Variants in ANP32E observed in about 807,000 individuals in gnomAD.
ANP32E encodes the protein acidic nuclear phosphoprotein 32 family member E.
ANP32E carries 14 observed loss-of-function variants against 35.3 expected under a neutral mutation model. The observed-to-expected ratio is 0.40, with a 90% CI of 0.26 to 0.62. The LOEUF (loss-of-function observed/expected upper bound fraction) is 0.62. Ranked by LOEUF, ANP32E falls within the 20% of genes least tolerant of loss-of-function variation. The pLI is 0.45. For missense variants in ANP32E, 198 were observed against 304.4 expected (o/e 0.65, Z 2.60); for synonymous variants, 89 against 110.4 (o/e 0.81, Z 1.22).
Position 150,235,728 on chromosome 1 carries a change from C to T in ANP32E, c.54+5G>A. ...GGGGAAGCGGTGGGGGCTGAGTCAT[C>T]TCACCTCCTCCGGGGATCTGTTCCT... On this transcript the variant is annotated splice_donor_5th_base_variant and intron_variant, in intron 1 of 6. Transcript: ENST00000583931. This position sits in a 1 kb window ranked among gnomAD's most constrained non-coding sequence, Gnocchi z 4.2. 6.2e-7 allele frequency: 1 copy of T among 1,613,500 alleles called. No homozygotes were observed. The highest frequency in any genetic ancestry group is 8.5e-7 in the Non-Finnish European group (1 of 1,179,778).
At chr1:150,234,470 G>T in intron 1 of ANP32E, 2 of 482,114 alleles carry the variant, frequency 4.1e-6, no homozygotes, top group Non-Finnish European at 5.4e-6. Context: ...CACGCCGGAC[G>T]CGAAAGCCCA....
In ANP32E at chr1:150,236,020, GCACACACACGCACGCACGCGCGCA is replaced by G. The variant is rs1649753807; in HGVS notation, c.-258_-235del. On this transcript the variant is annotated 5_prime_UTR_variant, in exon 1 of 7. Coordinates refer to ENST00000583931, the MANE Select transcript of ANP32E (RefSeq NM_030920.5). ...CCTCCTTGTCCACACACTAGCGCGC[GCACACACACGCACGCACGCGCGCA>G]CACACATACACACACACATACACAC... The G allele has an allele frequency of 1.8e-6, 1 of 545,506 alleles. No individual in the cohort carries two copies. The highest frequency in any genetic ancestry group is 3.3e-6 in the Non-Finnish European group (1 of 302,846). 33.8% of individuals were successfully genotyped at this position (545,506 alleles called of 1,614,324 possible).
At chr1:150,221,493 GAGGGAGGGAGGGAGGGAGGAAAGGA>G (rs1648371204) in intron 6 of ANP32E, among the ~76,000 whole-genome samples, 1 of 121,354 alleles carries the variant, frequency 8.2e-6, no homozygotes, top group Non-Finnish European at 1.7e-5. Flanking sequence ...GGAAGGAAGG[GAGGGAGGGAGGGAGGGAGGAAAGGA>G]AGGAGAGTGG....
rs1648570394 is a variant in ANP32E, at chr1:150,223,144, T to G, written c.736+42A>C. 3.4e-6 allele frequency: 5 copies of G among 1,471,978 alleles called. No homozygotes were observed. In the South Asian group the frequency reaches 6.4e-5, roughly 19 times the overall value. 91.2% of individuals were successfully genotyped at this position (1,471,978 alleles called of 1,614,324 possible). ...ATAAATAAAGTATAAAAAATGACTATGTCTTTAATTTTATAATTTGTTTAT... is the reference window on the plus strand; with the variant it reads ...ATAAATAAAGTATAAAAAATGACTAGGTCTTTAATTTTATAATTTGTTTAT... On this transcript the variant is annotated intron_variant, in intron 6 of 6. Transcript: ENST00000583931.
chr1:150,235,922 G>C lies in ANP32E; in HGVS notation c.-136C>G, dbSNP rs113198946. 3.5e-5 allele frequency: 23 copies of C among 653,730 alleles called. 1 individual carries two copies. The highest frequency in any genetic ancestry group is 2.4e-4 in the Middle Eastern group (1 of 4,094). 40.5% of individuals were successfully genotyped at this position (653,730 alleles called of 1,614,324 possible). On this transcript the variant is annotated 5_prime_UTR_variant, in exon 1 of 7. The change creates a new upstream start codon in the 5' untranslated region. Transcript: ENST00000583931. The surrounding 1 kb of genome is among the most constrained non-coding windows in gnomAD (Gnocchi z 4.2). ...ATATAAACGCCCACTACCACCACCA[G>C]ATAGGTGTGGGGGAGAAAGAAGAGA...
rs1166567451 is a variant in ANP32E at position 150,223,101 on chromosome 1, A to G, written c.736+85T>C. ...AATTGGCATTATAGGCTCATTCTTT[A>G]AAGTGTATGAAATACAAATAAATAA... On this transcript the variant is annotated intron_variant, in intron 6 of 6. Transcript: ENST00000583931. 29 of 1,398,826 alleles carry G rather than the reference A, an allele frequency of 2.1e-5. No homozygotes were observed. In the Admixed American group the frequency reaches 6.7e-4, roughly 32 times the overall value. The allele number at this position is 1,398,826 out of a possible 1,614,324, so 86.7% of individuals were successfully genotyped here.
chr1:150,221,075 A>G (rs1648312669), intron 6 of ANP32E, among the ~76,000 whole-genome samples: 1 of 132,692 alleles, frequency 7.5e-6, no homozygotes, highest in South Asian at 2.6e-4. Context: ...AGATTGCGCC[A>G]CTGCACTCCA....
At chr1:150,220,835 G>C (rs1457780741) in intron 6 of ANP32E, 74 bp from the exon 7 acceptor site, 6 of 1,391,486 alleles carry the variant, frequency 4.3e-6, no homozygotes, top group Non-Finnish European at 6.1e-6. Context: ...TTGAATCTTA[G>C]TGAAAAGTTA....
Position 150,220,621 on chromosome 1 carries a change from A to T in ANP32E, c.*70T>A. The T allele has an allele frequency of 4.3e-6, 6 of 1,382,892 alleles. No individual in the cohort carries two copies. The highest frequency in any genetic ancestry group is 1.2e-5 in the South Asian group (1 of 85,656). The allele number at this position is 1,382,892 out of a possible 1,614,324, so 85.7% of individuals were successfully genotyped here. A position where few individuals can be genotyped will look rare whatever the true frequency, so the allele number is the denominator to read the frequency against. On this transcript the variant is annotated 3_prime_UTR_variant, in exon 7 of 7. Coordinates refer to ENST00000583931, the MANE Select transcript of ANP32E (RefSeq NM_030920.5). The stretch of plus-strand genomic sequence containing the variant: ...TCTTCTGTAGGGATAGCTATCGTAC[A>T]TGAAGAAACAAAGATGTGATCACTC...
intron 3 of ANP32E, 92 bp from the exon 4 acceptor site, chr1:150,229,329 T>C: frequency 1.3e-6 from 1 of 758,178 alleles, no homozygotes; most frequent in Non-Finnish European, 2.0e-6. Context: ...AGACGGAGTC[T>C]AGCTCTGTTG....
intron 1 of ANP32E, chr1:150,234,656 C>T: frequency 7.1e-6 from 7 of 985,574 alleles, no homozygotes; most frequent in Non-Finnish European, 7.2e-6. Context: ...GCCCTGCTCT[C>T]GCGACCTGCC....
chr1:150,220,623 G>T lies in ANP32E; in HGVS notation c.*68C>A. ...TTCTGTAGGGATAGCTATCGTACAT[G>T]AAGAAACAAAGATGTGATCACTCTA... is the stretch of plus-strand genomic sequence containing the variant. On this transcript the variant is annotated 3_prime_UTR_variant, in exon 7 of 7. Transcript: ENST00000583931. 7.1e-7 allele frequency: 1 copy of T among 1,414,890 alleles called. No individual in the cohort carries two copies. Among genetic ancestry groups the T allele is most frequent in the Non-Finnish European group, 1.0e-6 (1 of 1,002,692 alleles). 87.6% of individuals were successfully genotyped at this position (1,414,890 alleles called of 1,614,324 possible).
In ANP32E at chr1:150,229,220, C is replaced by G; in HGVS notation, c.345G>C (p.Leu115Phe). 1 of 1,529,170 alleles carries G rather than the reference C, an allele frequency of 6.5e-7. No homozygotes were observed. Among genetic ancestry groups the G allele is most frequent in the Non-Finnish European group, 8.8e-7 (1 of 1,136,654 alleles). 94.7% of individuals were successfully genotyped at this position (1,529,170 alleles called of 1,614,324 possible). ...TVEALQNLKN[L>F]KSLDLFNCEI... ...CACAGTTAAACAGGTCAAGACTTTT[C>G]AAATTTTTAAGATTTTGCTGGAAAA... is the stretch of plus-strand genomic sequence containing the variant. The change falls in exon 4 of 7, where the codon TTG becomes TTC. Residue 115 changes from leucine (L) to phenylalanine (F), a missense_variant. Leu to Phe is a conservative substitution (Grantham distance 22). This residue lies in a region of ANP32E where 31 missense variants were observed against 62.6 expected (regional missense o/e 0.50). Transcript: ENST00000583931.
intron 5 of ANP32E, among the ~76,000 whole-genome samples, chr1:150,224,013 G>A (rs1209509047): frequency 6.6e-6 from 1 of 152,112 alleles, no homozygotes; most frequent in Non-Finnish European, 1.5e-5. Flanking sequence ...CCAAAATGGT[G>A]AGATTACAGG....
rs1648896626 is a variant in ANP32E at position 150,226,644 on chromosome 1, T to G, written c.645A>C (p.Glu215Asp). 2 of 1,613,598 alleles carry G rather than the reference T, an allele frequency of 1.2e-6. No homozygotes were observed. The highest frequency in any genetic ancestry group is 1.7e-6 in the Non-Finnish European group (2 of 1,179,784). ...CTTTCATTAAGTATGAGAGGCCCAC[T>G]TCCTCTTCTCCCTCTCCCAACTCTG... Reference protein sequence around the residue: ...AGSELGEGEEEVGLSYLMKEE... With the variant: ...AGSELGEGEEDVGLSYLMKEE... Residue 215 changes from glutamate to aspartate, a missense_variant, in exon 5 of 7, where the codon GAA (glutamate) becomes GAC (aspartate). Glu to Asp is a conservative substitution (Grantham distance 45, BLOSUM62 2). Transcript: ENST00000583931.
chr1:150,234,665 C>A, intron 1 of ANP32E: 1 of 985,610 alleles, frequency 1.0e-6, no homozygotes, highest in Non-Finnish European at 1.2e-6. Flanking sequence ...TCGCGACCTG[C>A]CGCTCCGACT....
At chr1:150,226,242 C>T (rs1648867688) in intron 5 of ANP32E, among the ~76,000 whole-genome samples, 1 of 152,148 alleles carries the variant, frequency 6.6e-6, no homozygotes, top group African/African-American at 2.4e-5. Flanking sequence ...CTCCTGACCT[C>T]ATGATCCACT....
At chr1:150,222,076 C>A (rs1553838209) in intron 6 of ANP32E, among the ~76,000 whole-genome samples, 3 of 150,180 alleles carry the variant, frequency 2.0e-5, no homozygotes, top group Non-Finnish European at 4.4e-5. Flanking sequence ...CTGACAGAGA[C>A]CCTGTCTCAA....
intron 1 of ANP32E, among the ~76,000 whole-genome samples, chr1:150,233,862 G>A (rs1483077404): frequency 6.6e-6 from 1 of 152,070 alleles, no homozygotes; most frequent in Non-Finnish European, 1.5e-5. Flanking sequence ...TTGGTTTGCC[G>A]AAGGACTGTG....
Sources: allele counts gnomAD v4.1 joint callset (sites outside exome capture counted in the v4.1 genomes callset), GRCh38; gene constraint gnomAD v4.1.1; regional missense constraint gnomAD v4.1.1; non-coding constraint Gnocchi (gnomAD v3.1); transcripts MANE v1.5; gene names NCBI Gene and HGNC (gene_info 2026-07-23, HGNC 2026-07-21).